Variants in CFAP299 observed in about 807,000 individuals in gnomAD.
CFAP299 encodes cilia- and flagella-associated protein 299.
Under a neutral mutation model 27.0 loss-of-function variants are expected in CFAP299, and 21 were observed. The observed-to-expected ratio is 0.78, with a 90% CI of 0.55 to 1.12. The LOEUF (loss-of-function observed/expected upper bound fraction) is 1.12. CFAP299 is among the 50% of genes most tolerant of loss of function. The pLI is 0.00. For synonymous variants in CFAP299, 104 were observed against 98.1 expected (o/e 1.06, Z -0.36); for missense variants, 310 against 276.6 (o/e 1.12, Z -0.86).
At chr4:80,413,922 G>C (rs1010841725) in intron 2 of CFAP299, among the ~76,000 whole-genome samples, 1 of 151,876 alleles carries the variant, frequency 6.6e-6, no homozygotes, top group Non-Finnish European at 1.5e-5. Flanking sequence ...GATTGACCCA[G>C]TTTCAGTCAC....
intron 3 of CFAP299, among the ~76,000 whole-genome samples, chr4:80,676,392 T>G (rs1054693791): frequency 1.3e-5 from 2 of 152,212 alleles, no homozygotes; most frequent in Non-Finnish European, 2.9e-5. Flanking sequence ...GTATCTATAT[T>G]TATCAATGAT....
In CFAP299 at chr4:80,569,558, T is replaced by C. The variant is rs973828076; in HGVS notation, c.243-13535T>C. On this transcript the variant is annotated intron_variant, in intron 2 of 5. Transcript: ENST00000358105. Reference sequence around the variant, plus strand: ...TAATGAGGAAATTAAAATCTGCATGTCAAATTAAAGAGAACTAATGGATAG... The same window carrying C: ...TAATGAGGAAATTAAAATCTGCATGCCAAATTAAAGAGAACTAATGGATAG... Among the ~76,000 whole-genome samples, 3 of 152,152 alleles carry C rather than the reference T, an allele frequency of 2.0e-5. No individual in the cohort carries two copies. The South Asian group carries it at 6.2e-4, about 32-fold the overall frequency.
At chr4:80,365,104 C>T (rs1723758661) in intron 2 of CFAP299, among the ~76,000 whole-genome samples, 1 of 151,984 alleles carries the variant, frequency 6.6e-6, no homozygotes, top group Non-Finnish European at 1.5e-5. Context: ...GATTTATATT[C>T]CTTTGGGTAT....
chr4:80,601,001 GTATT>G, intron 3 of CFAP299, among the ~76,000 whole-genome samples: 1 of 152,190 alleles, frequency 6.6e-6, no homozygotes, highest in South Asian at 2.1e-4. Flanking sequence ...TATGGTGTCT[GTATT>G]TATTGAATGC....
chr4:80,917,948 G>A (rs1178669378), intron 4 of CFAP299, among the ~76,000 whole-genome samples: 1 of 152,158 alleles, frequency 6.6e-6, no homozygotes, highest in African/African-American at 2.4e-5. Flanking sequence ...TGTAGATATA[G>A]AAATCATTTG....
intron 3 of CFAP299, among the ~76,000 whole-genome samples, chr4:80,831,380 C>T (rs1730291472): frequency 1.3e-5 from 2 of 152,110 alleles, no homozygotes; most frequent in Admixed American, 1.3e-4. Flanking sequence ...CCTGTAGCAT[C>T]ACCTGTGCAT....
intron 3 of CFAP299, among the ~76,000 whole-genome samples, chr4:80,865,721 A>T (rs939963902): frequency 6.6e-6 from 1 of 151,934 alleles, no homozygotes; most frequent in Non-Finnish European, 1.5e-5. Context: ...CATATACACC[A>T]TGGAATACTA....
chr4:80,614,841 G>C (rs112846788), intron 3 of CFAP299, among the ~76,000 whole-genome samples: 1 of 152,130 alleles, frequency 6.6e-6, no homozygotes, highest in African/African-American at 2.4e-5. Context: ...TTTTGAAATG[G>C]TATCTGAACA....
intron 2 of CFAP299, among the ~76,000 whole-genome samples, chr4:80,447,124 TTTTTTG>T (rs1379562245): frequency 3.4e-5 from 4 of 117,728 alleles, no homozygotes; most frequent in African/African-American, 1.4e-4. Context: ...TATTTGTTTT[TTTTTTG>T]TTTTTTTTTT....
chr4:80,641,393 C>T (rs1369552661), intron 3 of CFAP299, among the ~76,000 whole-genome samples: 14 of 151,792 alleles, frequency 9.2e-5, no homozygotes, highest in Non-Finnish European at 2.1e-4. Flanking sequence ...TTAGTAGAGA[C>T]GGGGTTTCAC....
At chr4:80,870,765 C>G in intron 4 of CFAP299, 2 of 985,410 alleles carry the variant, frequency 2.0e-6, no homozygotes, top group South Asian at 9.4e-5. Flanking sequence ...AATTAAGTAG[C>G]AGCATTATGC....
intron 2 of CFAP299, among the ~76,000 whole-genome samples, chr4:80,372,028 T>C (rs1724172613): frequency 6.6e-6 from 1 of 152,128 alleles, no homozygotes; most frequent in Non-Finnish European, 1.5e-5. Flanking sequence ...TAAGACTGGG[T>C]AATTTATAAA....
intron 2 of CFAP299, among the ~76,000 whole-genome samples, chr4:80,562,050 T>C (rs561973841): frequency 3.3e-5 from 5 of 152,196 alleles, no homozygotes; most frequent in East Asian, 1.9e-4. Context: ...TTTTTGCTTG[T>C]TTATGCAATC....
intron 3 of CFAP299, among the ~76,000 whole-genome samples, chr4:80,712,640 C>T (rs1317023247): frequency 2.0e-5 from 3 of 152,098 alleles, no homozygotes; most frequent in African/African-American, 7.2e-5. Flanking sequence ...TTCAAATCAA[C>T]AACTCAATAT....
At chr4:80,862,421 A>T (rs908198021) in intron 3 of CFAP299, among the ~76,000 whole-genome samples, 1 of 152,174 alleles carries the variant, frequency 6.6e-6, no homozygotes, top group African/African-American at 2.4e-5. Context: ...TAAAATATAG[A>T]TACGTCTTAT....
At chr4:80,349,534 A>G (rs895858276) in intron 1 of CFAP299, among the ~76,000 whole-genome samples, 4 of 152,340 alleles carry the variant, frequency 2.6e-5, no homozygotes, top group African/African-American at 4.8e-5. Flanking sequence ...GCTGAAGACT[A>G]ATTTTACTTA....
At chr4:80,709,609 G>A (rs1275344942) in intron 3 of CFAP299, among the ~76,000 whole-genome samples, 1 of 152,276 alleles carries the variant, frequency 6.6e-6, no homozygotes, top group East Asian at 1.9e-4. Context: ...CATTCATAAA[G>A]TAGATAAAAT....
chr4:80,698,916 G>A lies in CFAP299; in HGVS notation c.333+115733G>A, dbSNP rs551806919. Among the ~76,000 whole-genome samples, 3 of 152,262 alleles carry A rather than the reference G, an allele frequency of 2.0e-5. 1 individual carries two copies. The South Asian group carries it at 6.2e-4, about 32-fold the overall frequency. On this transcript the variant is annotated intron_variant, in intron 3 of 5. Transcript: ENST00000358105. ...CCCACCAGGTCCCCCTTCAACACAT[G>A]AGGATTAAGGGGATTACAATTCAAG...
intron 2 of CFAP299, among the ~76,000 whole-genome samples, chr4:80,416,285 CAT>C (rs1193103336): frequency 2.6e-5 from 4 of 152,190 alleles, no homozygotes; most frequent in Admixed American, 1.3e-4. Flanking sequence ...ATGTAACAAA[CAT>C]GTTACGAATT....
Sources: gnomAD v4.1 joint callset for allele counts (sites outside exome capture counted in the v4.1 genomes callset) on GRCh38, gnomAD v4.1.1 for gene constraint, MANE v1.5 for transcripts, NCBI Gene and HGNC (gene_info 2026-07-23, HGNC 2026-07-21) for gene names.